The following AGBL4 variants were observed in gnomAD, a reference collection of about 807,000 sequenced individuals.
AGBL4 encodes the protein AGBL carboxypeptidase 4, also known as cytosolic carboxypeptidase 6.
Under a neutral mutation model 66.4 loss-of-function variants are expected in AGBL4, and 58 were observed. The ratio of observed to expected loss-of-function variants is 0.87; its 90% confidence interval spans 0.71 to 1.09. The LOEUF (loss-of-function observed/expected upper bound fraction) is 1.09. Ranked by LOEUF, AGBL4 falls within the 50% of genes least tolerant of loss-of-function variation. The pLI is 0.00. For missense variants in AGBL4, 579 were observed against 631.0 expected (o/e 0.92, Z 0.88); for synonymous variants, 234 against 222.9 (o/e 1.05, Z -0.44).
At chr1:49,633,882 T>C (rs1645618515) in intron 3 of AGBL4, among the ~76,000 whole-genome samples, 1 of 115,194 alleles carries the variant, frequency 8.7e-6, no homozygotes, top group African/African-American at 2.5e-5. Context: ...ATTTATGAAA[T>C]ATATTATTGT....
chr1:49,995,352 C>A (rs1439746977), intron 1 of AGBL4: 1 of 449,250 alleles, frequency 2.2e-6, no homozygotes, highest in East Asian at 7.0e-5. Flanking sequence ...TGCGTTGGAG[C>A]TGGATGAGGC....
chr1:49,244,717 T>C (rs1030467586), intron 4 of AGBL4, among the ~76,000 whole-genome samples: 1 of 151,876 alleles, frequency 6.6e-6, no homozygotes, highest in African/African-American at 2.4e-5. Context: ...TATATAATAC[T>C]ATTAATAATA....
chr1:48,957,319 TC>T (rs1657560920), intron 5 of AGBL4, among the ~76,000 whole-genome samples: 1 of 152,214 alleles, frequency 6.6e-6, no homozygotes, highest in Admixed American at 6.5e-5. Flanking sequence ...CAGCTCTAGT[TC>T]ATGTATTCAA....
chr1:49,516,151 G>C (rs1649802888), intron 3 of AGBL4, among the ~76,000 whole-genome samples: 1 of 151,830 alleles, frequency 6.6e-6, no homozygotes, highest in Admixed American at 6.6e-5. Flanking sequence ...GCTAGCTCTA[G>C]CCCTGATGCT....
intron 11 of AGBL4, among the ~76,000 whole-genome samples, chr1:48,547,138 C>T (rs979687434): frequency 2.0e-5 from 3 of 152,026 alleles, no homozygotes; most frequent in Admixed American, 6.5e-5. Flanking sequence ...AACTCTCGGC[C>T]ACCTTAAGGA....
intron 3 of AGBL4, among the ~76,000 whole-genome samples, chr1:49,383,791 G>GTA (rs150364957): frequency 0.017 from 2,339 of 135,320 alleles, 57 homozygotes; most frequent in African/African-American, 0.082. Context: ...AAATGAGACT[G>GTA]TATATATATA....
At chr1:49,838,819 C>A (rs1432943907) in intron 2 of AGBL4, among the ~76,000 whole-genome samples, 2 of 152,154 alleles carry the variant, frequency 1.3e-5, no homozygotes, top group East Asian at 3.9e-4. Context: ...ATACTATAAT[C>A]ATTCTAGTGG....
chr1:49,647,279 A>T (rs569596197), intron 3 of AGBL4, among the ~76,000 whole-genome samples: 27 of 152,240 alleles, frequency 1.8e-4, no homozygotes, highest in African/African-American at 6.5e-4. Flanking sequence ...ACAAGTAAAA[A>T]GCTAAATAAA....
intron 3 of AGBL4, among the ~76,000 whole-genome samples, chr1:49,546,273 A>G (rs1164687535): frequency 2.0e-5 from 3 of 151,504 alleles, no homozygotes; most frequent in African/African-American, 7.3e-5. Context: ...ATATATGTGT[A>G]TATATATTCC....
chr1:48,883,129 C>T (rs913871858), intron 5 of AGBL4, among the ~76,000 whole-genome samples: 5 of 152,146 alleles, frequency 3.3e-5, no homozygotes, highest in Non-Finnish European at 7.4e-5. Flanking sequence ...TGGGTATACA[C>T]CCAGAAATGG....
rs144320329 is a variant in AGBL4, at chr1:49,809,316, G to A, written c.157+42080C>T. 5.4e-3 allele frequency among the ~76,000 whole-genome samples: 283 copies of A among 52,094 alleles called. 10 individuals are homozygous for A. The East Asian group carries it at 0.11, about 20-fold the overall frequency. The allele number at this position is 52,094 out of a possible 152,430, so 34.2% of individuals were successfully genotyped here. On this transcript the variant is annotated intron_variant, in intron 2 of 13. Coordinates refer to ENST00000371839, the MANE Select transcript of AGBL4 (RefSeq NM_032785.4). ...TGCTATCCCTCCCCCCTCCCCCCACGACAGGCCCTGGTGTGTAATGATCCC... is the reference window on the plus strand; with the variant it reads ...TGCTATCCCTCCCCCCTCCCCCCACAACAGGCCCTGGTGTGTAATGATCCC...
At chr1:49,788,813 A>G (rs186758182) in intron 2 of AGBL4, among the ~76,000 whole-genome samples, 2 of 152,314 alleles carry the variant, frequency 1.3e-5, no homozygotes, top group South Asian at 2.1e-4. Context: ...AAAAGAGACA[A>G]TGTGGTAAAA....
At chr1:49,240,229 A>G (rs1570176950) in intron 4 of AGBL4, among the ~76,000 whole-genome samples, 2 of 152,248 alleles carry the variant, frequency 1.3e-5, no homozygotes, top group East Asian at 3.9e-4. Flanking sequence ...GAATGTTAAA[A>G]TTATGTTTAC....
intron 3 of AGBL4, among the ~76,000 whole-genome samples, chr1:49,333,021 G>C (rs149158907): frequency 6.6e-6 from 1 of 152,226 alleles, no homozygotes; most frequent in East Asian, 1.9e-4. Flanking sequence ...CACAAGTAAT[G>C]ATGAGCTTTT....
Position 48,931,297 on chromosome 1 carries a change from G to A in AGBL4, c.595-64067C>T, listed in dbSNP as rs1313667754. Among the ~76,000 whole-genome samples the A allele has an allele frequency of 2.0e-5, 3 of 152,138 alleles. No individual in the cohort carries two copies. In the East Asian group the frequency reaches 5.8e-4, roughly 29 times the overall value. On this transcript the variant is annotated intron_variant, in intron 5 of 13. Coordinates refer to ENST00000371839, the MANE Select transcript of AGBL4 (RefSeq NM_032785.4). ...GTAGGCAACAACATGACAGGATTGGGAGCTAGACAAATTCTTTCAGCCATA... is the reference window on the plus strand; with the variant it reads ...GTAGGCAACAACATGACAGGATTGGAAGCTAGACAAATTCTTTCAGCCATA...
At chr1:49,439,731 C>T (rs1291174564) in intron 3 of AGBL4, among the ~76,000 whole-genome samples, 5 of 152,128 alleles carry the variant, frequency 3.3e-5, no homozygotes, top group Non-Finnish European at 4.4e-5. Flanking sequence ...GCCTAGCCTC[C>T]CAGCCTACAT....
chr1:48,540,246 T>C (rs759493960), intron 11 of AGBL4, among the ~76,000 whole-genome samples: 23 of 152,156 alleles, frequency 1.5e-4, no homozygotes, highest in Non-Finnish European at 2.8e-4. Context: ...CCCTAAACAG[T>C]GTTCCCACTG....
chr1:48,925,689 T>C (rs1654492103), intron 5 of AGBL4, among the ~76,000 whole-genome samples: 1 of 152,166 alleles, frequency 6.6e-6, no homozygotes, highest in Non-Finnish European at 1.5e-5. Flanking sequence ...GATGCAATTC[T>C]TTTTTTGAAT....
chr1:49,366,860 C>T (rs888329104), intron 3 of AGBL4, among the ~76,000 whole-genome samples: 1 of 152,132 alleles, frequency 6.6e-6, no homozygotes, highest in African/African-American at 2.4e-5. Context: ...ACAGCTGATG[C>T]AGAATTTTTG....
Sources: gnomAD v4.1 joint callset for allele counts (sites outside exome capture counted in the v4.1 genomes callset) on GRCh38, gnomAD v4.1.1 for gene constraint, MANE v1.5 for transcripts, NCBI Gene and HGNC (gene_info 2026-07-23, HGNC 2026-07-21) for gene names.